LYRM4: variants seen among roughly 807,000 people sequenced by gnomAD.
The protein encoded by LYRM4 is LYR motif-containing protein 4.
Under a neutral mutation model 11.7 loss-of-function variants are expected in LYRM4, and 9 were observed. That is an observed-to-expected ratio of 0.77 (90% CI 0.46 to 1.34). LYRM4 has a LOEUF of 1.34. LYRM4 is among the 40% of genes most tolerant of loss of function. The pLI is 0.00. For synonymous variants in LYRM4, 42 were observed against 40.4 expected, an observed-to-expected ratio of 1.04 and a Z score of -0.15; for missense variants, 133 against 112.5, an observed-to-expected ratio of 1.18 and a Z score of -0.82.
intron 2 of LYRM4, among the ~76,000 whole-genome samples, chr6:5,188,804 C>T (rs182878391): frequency 3.4e-4 from 52 of 152,330 alleles, no homozygotes; most frequent in Middle Eastern, 3.4e-3. Context: ...TGTCCTGTCA[C>T]CCAGGCTGGA....
At chr6:5,136,117 C>T (rs1007537349) in intron 2 of LYRM4, 14 of 196,554 alleles carry the variant, frequency 7.1e-5, no homozygotes, top group South Asian at 7.1e-4. Flanking sequence ...TTCCATTGTA[C>T]GGCTGTACCA....
At chr6:5,175,358 C>G (rs1197820544) in intron 2 of LYRM4, among the ~76,000 whole-genome samples, 2 of 152,174 alleles carry the variant, frequency 1.3e-5, no homozygotes, top group African/African-American at 4.8e-5. Flanking sequence ...AACGTAGAGG[C>G]CTTCTAGTCA....
At chr6:5,159,466 C>T (rs1027951172) in intron 2 of LYRM4, among the ~76,000 whole-genome samples, 1 of 152,188 alleles carries the variant, frequency 6.6e-6, no homozygotes, top group Non-Finnish European at 1.5e-5. Context: ...ATGGAAAGGA[C>T]TTATTTTAAT....
chr6:5,093,824 G>A, the LYRM4 span, among the ~76,000 whole-genome samples: 238 of 152,272 alleles, frequency 1.6e-3, no homozygotes, highest in African/African-American at 5.4e-3. Context: ...ATAGTCCATC[G>A]ACCACCATTG....
chr6:5,241,903 C>A (rs1763903399), intron 1 of LYRM4, among the ~76,000 whole-genome samples: 1 of 152,038 alleles, frequency 6.6e-6, no homozygotes, highest in African/African-American at 2.4e-5. Context: ...ATTGGAGATT[C>A]TAATAGAGGC....
chr6:5,031,977 C>T, the LYRM4 span: 1 of 152,140 alleles, frequency 6.6e-6, no homozygotes, highest in East Asian at 1.9e-4. Flanking sequence ...TTTGTTCTTG[C>T]ATAATTTCAA....
Position 5,216,698 on chromosome 6 carries a change from T to C in LYRM4, c.127A>G (p.Asn43Asp). The C allele has an allele frequency of 6.2e-7, 1 of 1,613,932 alleles. No individual in the cohort carries two copies. Among genetic ancestry groups the C allele is most frequent in the Non-Finnish European group, 8.5e-7 (1 of 1,180,002 alleles). ...TCTACAGGATCCTTTACATTTTTAT[T>C]TTCTCTGAAGGCATCTCTTATCCTC... ...VRRIRDAFRE[N>D]KNVKDPVEIQ... Residue 43 changes from asparagine (N) to aspartate (D), a missense_variant, in exon 2 of 3, where the codon AAT (asparagine) becomes GAT (aspartate). Coordinates refer to ENST00000330636, the MANE Select transcript of LYRM4 (RefSeq NM_020408.6).
chr6:5,229,163 T>C (rs999374090), intron 1 of LYRM4, among the ~76,000 whole-genome samples: 8 of 152,060 alleles, frequency 5.3e-5, no homozygotes, highest in African/African-American at 1.9e-4. Context: ...AATTTTGTTT[T>C]TTAACGTCGT....
the LYRM4 span, among the ~76,000 whole-genome samples, chr6:5,058,205 G>T: frequency 1.5e-4 from 23 of 152,152 alleles, no homozygotes; most frequent in Non-Finnish European, 2.9e-4. Context: ...GGAGAGAGGA[G>T]AGGACCTGAG....
chr6:5,115,357 T>A (rs1406023554), intron 2 of LYRM4, among the ~76,000 whole-genome samples: 1 of 152,218 alleles, frequency 6.6e-6, no homozygotes, highest in African/African-American at 2.4e-5. Context: ...GGCACACTTA[T>A]CATGCCGCAG....
intron 2 of LYRM4, among the ~76,000 whole-genome samples, chr6:5,111,978 C>A (rs2127594399): frequency 6.6e-6 from 1 of 152,318 alleles, no homozygotes; most frequent in East Asian, 1.9e-4. Context: ...CAGTACAGCA[C>A]CTACATGGCA....
chr6:5,225,066 T>C (rs1333797902), intron 1 of LYRM4, among the ~76,000 whole-genome samples: 2 of 151,964 alleles, frequency 1.3e-5, no homozygotes, highest in African/African-American at 4.8e-5. Context: ...CTGGCCAACA[T>C]GGAGAAACCC....
chr6:5,239,732 A>G (rs34968842), intron 1 of LYRM4, among the ~76,000 whole-genome samples: 7,448 of 152,224 alleles, frequency 0.049, 598 homozygotes, highest in African/African-American at 0.16. Flanking sequence ...TGCACAGACC[A>G]TTCCCACCAG....
intron 2 of LYRM4, among the ~76,000 whole-genome samples, chr6:5,201,554 T>A (rs1289220654): frequency 6.6e-6 from 1 of 152,210 alleles, no homozygotes; most frequent in African/African-American, 2.4e-5. Flanking sequence ...GGTCACCTGC[T>A]TAGCTAATCT....
chr6:5,167,835 T>C (rs1179414578), intron 2 of LYRM4, among the ~76,000 whole-genome samples: 1 of 152,140 alleles, frequency 6.6e-6, no homozygotes, highest in African/African-American at 2.4e-5. Context: ...CCTTTTTTTG[T>C]TTGCTAATTT....
chr6:5,063,506 C>T, the LYRM4 span, among the ~76,000 whole-genome samples: 4 of 152,128 alleles, frequency 2.6e-5, no homozygotes, highest in Non-Finnish European at 5.9e-5. Flanking sequence ...CGCCATGGGA[C>T]GCTACTTACA....
intron 1 of LYRM4, among the ~76,000 whole-genome samples, chr6:5,256,742 G>T (rs1229945462): frequency 1.3e-5 from 2 of 152,014 alleles, no homozygotes; most frequent in Non-Finnish European, 2.9e-5. Flanking sequence ...GGGCATCCCA[G>T]GGGAAATTTA....
the LYRM4 span, among the ~76,000 whole-genome samples, chr6:5,046,542 T>C: frequency 1.6e-4 from 24 of 152,240 alleles, no homozygotes; most frequent in African/African-American, 5.8e-4. Context: ...ACATGGCTTC[T>C]TTACTAATAC....
At chr6:5,073,243 G>A in the LYRM4 span, among the ~76,000 whole-genome samples, 371 of 152,128 alleles carry the variant, frequency 2.4e-3, 1 homozygote, top group African/African-American at 8.3e-3. Flanking sequence ...GGTGGCACAC[G>A]CCTGTTATCC....
Sources: allele counts gnomAD v4.1 joint callset (sites outside exome capture counted in the v4.1 genomes callset), GRCh38; gene constraint gnomAD v4.1.1; transcripts MANE v1.5; gene names NCBI Gene and HGNC (gene_info 2026-07-23, HGNC 2026-07-21).